PCCA: variants seen among roughly 807,000 people sequenced by gnomAD.
PCCA encodes the protein propionyl-CoA carboxylase alpha chain, mitochondrial.
A neutral mutation model predicts 101.3 loss-of-function variants in PCCA; 74 were observed. The observed-to-expected ratio is 0.73, with a 90% CI of 0.61 to 0.89. The LOEUF is 0.89. Among genes scored for constraint, PCCA ranks in the 40% least tolerant of loss-of-function variants. The pLI, the probability that PCCA is intolerant of heterozygous loss-of-function variation, is 0.00. For missense variants in PCCA, 891 were observed against 907.0 expected (o/e 0.98, Z 0.23); for synonymous variants, 294 against 313.6 (o/e 0.94, Z 0.66).
chr13:100,169,591 G>A (rs969790686), intron 6 of PCCA, among the ~76,000 whole-genome samples: 14 of 151,852 alleles, frequency 9.2e-5, no homozygotes, highest in African/African-American at 2.9e-4. Flanking sequence ...GCAGTGGCAC[G>A]ATCTTGGCTC....
intron 21 of PCCA, among the ~76,000 whole-genome samples, chr13:100,477,161 T>C (rs2083477205): frequency 6.6e-6 from 1 of 152,186 alleles, no homozygotes; most frequent in African/African-American, 2.4e-5. Context: ...CGGCACAGTT[T>C]CTGGGTCTGT....
At chr13:100,429,699 C>T (rs1277645149) in intron 20 of PCCA, among the ~76,000 whole-genome samples, 2 of 151,910 alleles carry the variant, frequency 1.3e-5, no homozygotes, top group African/African-American at 2.4e-5. Context: ...CTCTGTCTTT[C>T]GGGTTCAAGC....
rs1046168381 is a variant in PCCA at position 100,149,154 on chromosome 13, G to A, written c.301-5825G>A. The A allele has an allele frequency of 3.2e-4, 42 of 132,618 alleles. 1 individual carries two copies. The highest frequency in any genetic ancestry group is 7.9e-5 in the Non-Finnish European group (5 of 63,652). 8.2% of individuals were successfully genotyped at this position (132,618 alleles called of 1,614,324 possible). The stretch of plus-strand genomic sequence containing the variant: ...TTTTTTAGAAATAGGATTTTATCTG[G>A]TTGTTTGATTTTTTTTTTTTTTTTC... On this transcript the variant is annotated intron_variant, in intron 4 of 23. Coordinates refer to ENST00000376285, the MANE Select transcript of PCCA (RefSeq NM_000282.4).
At chr13:100,138,975 T>A (rs2152340165) in intron 4 of PCCA, among the ~76,000 whole-genome samples, 1 of 151,776 alleles carries the variant, frequency 6.6e-6, no homozygotes, top group East Asian at 1.9e-4. Flanking sequence ...AGAAAATGTC[T>A]TTATTTCGCC....
chr13:100,425,565 C>T, intron 19 of PCCA, 68 bp from the exon 20 acceptor site: 1 of 1,044,536 alleles, frequency 9.6e-7, no homozygotes, highest in Non-Finnish European at 1.5e-6. Context: ...GCTTTGTATG[C>T]AGCAATGAAC....
intron 10 of PCCA, 111 bp from the exon 11 acceptor site, chr13:100,268,577 AC>A: frequency 1.3e-6 from 1 of 789,718 alleles, no homozygotes; most frequent in Non-Finnish European, 2.3e-6. Context: ...GTATGTATAT[AC>A]TATGAAGTTT....
chr13:100,190,238 A>G (rs1210485590), intron 6 of PCCA, among the ~76,000 whole-genome samples: 1 of 152,182 alleles, frequency 6.6e-6, no homozygotes, highest in Non-Finnish European at 1.5e-5. Flanking sequence ...TTGACTTGTG[A>G]TTCCTGTGTG....
At chr13:100,427,090 G>A (rs951930919) in intron 20 of PCCA, among the ~76,000 whole-genome samples, 9 of 152,136 alleles carry the variant, frequency 5.9e-5, no homozygotes, top group African/African-American at 9.7e-5. Context: ...GGTGGCGGGC[G>A]CCTGTATTCC....
rs928137447 is a variant in PCCA, at chr13:100,380,869, A to G, written c.1746+12295A>G. Among the ~76,000 whole-genome samples the G allele has an allele frequency of 1.3e-4, 20 of 152,264 alleles. 1 individual carries two copies. Among genetic ancestry groups the G allele is most frequent in the Admixed American group, 1.0e-3 (16 of 15,290 alleles). The stretch of plus-strand genomic sequence containing the variant: ...AGTAAAGCACTTGTGTTTAAAATAC[A>G]TAAAGAACACTTACAACTTAACAAT... On this transcript the variant is annotated intron_variant, in intron 19 of 23. Coordinates refer to ENST00000376285, the MANE Select transcript of PCCA (RefSeq NM_000282.4).
At chr13:100,213,677 C>G (rs2059355471) in intron 7 of PCCA, among the ~76,000 whole-genome samples, 1 of 152,100 alleles carries the variant, frequency 6.6e-6, no homozygotes, top group Admixed American at 6.5e-5. Flanking sequence ...TGCTCCCATT[C>G]CATGAGTTGT....
chr13:100,273,455 A>G, intron 12 of PCCA, 109 bp downstream of exon 12: 6 of 871,830 alleles, frequency 6.9e-6, no homozygotes, highest in South Asian at 1.5e-5. Context: ...AAAGTGTTAA[A>G]TAAAGATTTA....
intron 6 of PCCA, among the ~76,000 whole-genome samples, chr13:100,173,753 C>G (rs2055957143): frequency 6.6e-6 from 1 of 152,106 alleles, no homozygotes; most frequent in South Asian, 2.1e-4. Flanking sequence ...CCTCTAATCC[C>G]CACGTGTTGT....
chr13:100,495,958 T>C (rs1256317698), intron 21 of PCCA, among the ~76,000 whole-genome samples: 1 of 136,544 alleles, frequency 7.3e-6, no homozygotes, highest in Non-Finnish European at 1.6e-5. Context: ...TTATTGTGTA[T>C]TCCTCTCTTT....
intron 19 of PCCA, among the ~76,000 whole-genome samples, chr13:100,378,690 T>TTCTGTTG (rs1321063807): frequency 6.6e-6 from 1 of 152,160 alleles, no homozygotes; most frequent in Non-Finnish European, 1.5e-5. Context: ...GCTTTGAGAT[T>TTCTGTTG]CTTTCTTCTG....
intron 6 of PCCA, among the ~76,000 whole-genome samples, chr13:100,158,293 A>T (rs969714346): frequency 1.3e-5 from 2 of 152,370 alleles, no homozygotes; most frequent in Middle Eastern, 3.4e-3. Context: ...TCTGTGGAGC[A>T]TAACTGTACT....
intron 18 of PCCA, among the ~76,000 whole-genome samples, chr13:100,341,227 C>T (rs552471672): frequency 1.8e-4 from 28 of 152,250 alleles, no homozygotes; most frequent in East Asian, 3.9e-4. Context: ...AATGACTGGA[C>T]GGAGGAGGAA....
intron 19 of PCCA, among the ~76,000 whole-genome samples, chr13:100,382,800 T>C (rs928972750): frequency 6.6e-6 from 1 of 152,180 alleles, no homozygotes; most frequent in Non-Finnish European, 1.5e-5. Context: ...CTTGGAGATA[T>C]CCATGTAAAC....
chr13:100,352,399 CTTTTTTT>C (rs67318662), intron 18 of PCCA, among the ~76,000 whole-genome samples: 130 of 134,580 alleles, frequency 9.7e-4, no homozygotes, highest in African/African-American at 3.4e-3. Flanking sequence ...ACAAAATAGC[CTTTTTTT>C]TTTTTTTTTG....
intron 4 of PCCA, among the ~76,000 whole-genome samples, chr13:100,134,928 G>C (rs1479331967): frequency 1.4e-5 from 2 of 147,844 alleles, no homozygotes; most frequent in African/African-American, 5.3e-5. Flanking sequence ...GTTTTTTGTA[G>C]ACAGGGTCTT....
Sources: gnomAD v4.1 joint callset for allele counts (sites outside exome capture counted in the v4.1 genomes callset) on GRCh38, gnomAD v4.1.1 for gene constraint, MANE v1.5 for transcripts, NCBI Gene and HGNC (gene_info 2026-07-23, HGNC 2026-07-21) for gene names.